RASSF3: variants seen among roughly 807,000 people sequenced by gnomAD.
RASSF3 encodes ras association domain-containing protein 3.
A neutral mutation model predicts 19.9 loss-of-function variants in RASSF3; 19 were observed. The ratio of observed to expected loss-of-function variants is 0.96; its 90% CI spans 0.67 to 1.40. RASSF3 has a LOEUF of 1.40. Among genes scored for constraint, RASSF3 ranks in the 40% most tolerant of loss-of-function variants. The probability of loss-of-function intolerance (pLI) is 0.00; values close to 1 mark genes in which losing one functional copy is unlikely to be tolerated. For missense variants in RASSF3, 306 were observed against 289.8 expected, an observed-to-expected ratio of 1.06 and a Z score of -0.41; for synonymous variants, 110 against 104.2, an observed-to-expected ratio of 1.06 and a Z score of -0.34.
intron 2 of RASSF3, among the ~76,000 whole-genome samples, chr12:64,589,321 A>G (rs908697128): frequency 1.3e-5 from 2 of 152,074 alleles, no homozygotes; most frequent in Non-Finnish European, 2.9e-5. Flanking sequence ...GTGGTGGCAC[A>G]TGCCTGTAAT....
intron 2 of RASSF3, among the ~76,000 whole-genome samples, chr12:64,563,628 A>G (rs1038644490): frequency 1.3e-5 from 2 of 152,216 alleles, no homozygotes; most frequent in Middle Eastern, 3.4e-3. Context: ...CTGCTCAATC[A>G]CTATACACCG....
In RASSF3 at chr12:64,591,680, C is replaced by T. The variant is rs543196510; in HGVS notation, c.294+49975C>T. ...TTTTTGAGCAATTTTTGTGTGCGTG[C>T]CTCTAAATATTCAGTAGGTTCATTT... On this transcript the variant is annotated intron_variant, in intron 2 of 5. Transcript: ENST00000637125. 9.1e-4 allele frequency among the ~76,000 whole-genome samples: 138 copies of T among 152,156 alleles called. 1 individual carries two copies. In the South Asian group the frequency reaches 0.012, roughly 13 times the overall value.
intron 1 of RASSF3, among the ~76,000 whole-genome samples, chr12:64,650,914 T>C (rs1254954438): frequency 6.6e-6 from 1 of 152,224 alleles, no homozygotes; most frequent in East Asian, 1.9e-4. Context: ...CTATAAACTT[T>C]ATGACTTGTG....
chr12:64,646,243 A>G (rs1338607983), intron 1 of RASSF3, among the ~76,000 whole-genome samples: 3 of 152,182 alleles, frequency 2.0e-5, no homozygotes, highest in Admixed American at 6.6e-5. Context: ...GAGTGGAATT[A>G]CTGCATTGTA....
chr12:64,611,804 A>T (rs1291464384), intron 1 of RASSF3, among the ~76,000 whole-genome samples: 1 of 152,244 alleles, frequency 6.6e-6, no homozygotes, highest in East Asian at 1.9e-4. Context: ...GCAATCTGTC[A>T]GGGTGGTCTT....
At chr12:64,605,380 G>T (rs1165056806) in intron 2 of RASSF3, among the ~76,000 whole-genome samples, 1 of 151,248 alleles carries the variant, frequency 6.6e-6, no homozygotes, top group Non-Finnish European at 1.5e-5. Flanking sequence ...TTTTTTTAAG[G>T]TAAGAAAATG....
intron 1 of RASSF3, among the ~76,000 whole-genome samples, chr12:64,668,487 G>T (rs1314796329): frequency 6.6e-6 from 1 of 151,882 alleles, no homozygotes; most frequent in Non-Finnish European, 1.5e-5. Flanking sequence ...GCCTAGGCTG[G>T]TCTCAAACTC....
chr12:64,652,412 C>T (rs867434988), intron 1 of RASSF3, among the ~76,000 whole-genome samples: 1 of 149,938 alleles, frequency 6.7e-6, no homozygotes, highest in South Asian at 2.2e-4. Flanking sequence ...CTCCCCCTCC[C>T]CCTCCCCCCC....
intron 2 of RASSF3, among the ~76,000 whole-genome samples, chr12:64,563,360 G>A (rs1592401783): frequency 6.6e-6 from 1 of 151,766 alleles, no homozygotes; most frequent in East Asian, 1.9e-4. Context: ...AGTAGAGATG[G>A]GGTTTCACCA....
At chr12:64,551,614 T>A (rs895092913) in intron 2 of RASSF3, among the ~76,000 whole-genome samples, 3 of 152,210 alleles carry the variant, frequency 2.0e-5, no homozygotes, top group African/African-American at 7.2e-5. Context: ...TCATGTCTAC[T>A]ACTTAGCATT....
intron 1 of RASSF3, among the ~76,000 whole-genome samples, chr12:64,652,392 G>A (rs187360899): frequency 1.7e-3 from 257 of 151,848 alleles, no homozygotes; most frequent in Non-Finnish European, 2.8e-3. Context: ...GACTGCAAAG[G>A]TGTTTTTTTC....
In RASSF3 at chr12:64,619,947, T is replaced by A. The variant is rs553616545; in HGVS notation, c.111+9204T>A. On this transcript the variant is annotated intron_variant, in intron 1 of 4. Coordinates refer to ENST00000542104, the MANE Select transcript of RASSF3 (RefSeq NM_178169.4). Reference sequence around the variant, plus strand: ...GTGAGCCGAGATTGCGCCACTGCACTCCAGCTTGGGCAACAGAGTGAGACT... The same window carrying A: ...GTGAGCCGAGATTGCGCCACTGCACACCAGCTTGGGCAACAGAGTGAGACT... 4.2e-5 allele frequency among the ~76,000 whole-genome samples: 6 copies of A among 143,360 alleles called. No homozygotes were observed. In the East Asian group the frequency reaches 1.2e-3, roughly 29 times the overall value. The allele number at this position is 143,360 out of a possible 152,430, so 94.0% of individuals were successfully genotyped here.
chr12:64,538,273 A>G (rs1007240074), intron 1 of RASSF3, among the ~76,000 whole-genome samples: 7 of 152,184 alleles, frequency 4.6e-5, no homozygotes, highest in Non-Finnish European at 8.8e-5. Flanking sequence ...GATTGCAGGC[A>G]TGAGCCGCTG....
intron 1 of RASSF3, among the ~76,000 whole-genome samples, chr12:64,527,756 G>A (rs1397134570): frequency 2.0e-5 from 3 of 151,730 alleles, no homozygotes; most frequent in South Asian, 4.2e-4. Context: ...CCAACATGGT[G>A]AAATCCCATC....
In RASSF3 at chr12:64,657,708, G is replaced by T. The variant is rs1872209840; in HGVS notation, c.112-27079G>T. Among the ~76,000 whole-genome samples, 3 of 152,254 alleles carry T rather than the reference G, an allele frequency of 2.0e-5. No individual in the cohort carries two copies. In the South Asian group the frequency reaches 6.2e-4, roughly 32 times the overall value. ...GAAATGCCAGTGCCTTGGCACAGGA[G>T]CAGGATAAAACTGTGCCCCCAAGGC... is the stretch of plus-strand genomic sequence containing the variant. On this transcript the variant is annotated intron_variant, in intron 1 of 4. Transcript: ENST00000542104.
At chr12:64,558,198 ATG>A (rs1869284613) in intron 2 of RASSF3, among the ~76,000 whole-genome samples, 1 of 152,200 alleles carries the variant, frequency 6.6e-6, no homozygotes, top group Non-Finnish European at 1.5e-5. Context: ...CAGCCTTGAT[ATG>A]TGAGAGTTCA....
Position 64,695,583 on chromosome 12 carries a change from A to C in RASSF3, c.*671A>C, listed in dbSNP as rs1868344681. On this transcript the variant is annotated 3_prime_UTR_variant, in exon 5 of 5. Transcript: ENST00000542104. ...GGGGTAGTTGCTTGTAAACGAGTTA[A>C]AAGCATTCAGTGTGGAGGTGTTAAA... is the stretch of plus-strand genomic sequence containing the variant. 6.6e-6 allele frequency: 1 copy of C among 152,530 alleles called. No individual in the cohort carries two copies. The highest frequency in any genetic ancestry group is 6.5e-5 in the Admixed American group (1 of 15,276). 9.4% of individuals were successfully genotyped at this position (152,530 alleles called of 1,614,324 possible).
chr12:64,572,862 T>C (rs1487794414), intron 2 of RASSF3, among the ~76,000 whole-genome samples: 1 of 152,166 alleles, frequency 6.6e-6, no homozygotes, highest in Non-Finnish European at 1.5e-5. Context: ...TCTATTTTTG[T>C]TATGTTAGAG....
At position 64,688,341 on chromosome 12, in the gene RASSF3, C is replaced by T. The variant is rs1476693126; in HGVS notation, c.345C>T (p.Ile115=). 2 of 1,613,996 alleles carry T rather than the reference C, an allele frequency of 1.2e-6. No individual in the cohort carries two copies. Reference sequence around the variant, plus strand: ...ATGGCTGTATGAATACACTTCATATCAGCAGCACAAACACTGTCGGGGAAG... The same window carrying T: ...ATGGCTGTATGAATACACTTCATATTAGCAGCACAAACACTGTCGGGGAAG... The part of the protein sequence containing the change: ...SSNGCMNTLH[I]SSTNTVGEVI... Residue 115 remains isoleucine (I), a synonymous_variant, in exon 3 of 5, where the codon ATC becomes ATT. Transcript: ENST00000542104.
Sources: gnomAD v4.1 joint callset for allele counts (sites outside exome capture counted in the v4.1 genomes callset) on GRCh38, gnomAD v4.1.1 for gene constraint, MANE v1.5 for transcripts, NCBI Gene and HGNC (gene_info 2026-07-23, HGNC 2026-07-21) for gene names.